Variants in PHTF2 observed in about 807,000 individuals in gnomAD.
PHTF2 encodes putative homeodomain transcription factor 2.
In PHTF2, 60 loss-of-function variants were observed where a neutral mutation model predicts 101.2. The observed-to-expected ratio is 0.59, with a 90% CI of 0.48 to 0.73. The LOEUF is 0.73. Among genes scored for constraint, PHTF2 ranks in the 30% least tolerant of loss-of-function variants. PHTF2 has a pLI of 0.00. For synonymous variants in PHTF2, 311 were observed against 307.3 expected (o/e 1.01, Z -0.13); for missense variants, 747 against 908.7 (o/e 0.82, Z 2.29).
At chr7:77,869,430 C>G (rs952076088) in intron 3 of PHTF2, among the ~76,000 whole-genome samples, 5 of 152,176 alleles carry the variant, frequency 3.3e-5, no homozygotes, top group Non-Finnish European at 7.4e-5. Flanking sequence ...TTCCCAGTCT[C>G]CTGTATTACT....
intron 17 of PHTF2, among the ~76,000 whole-genome samples, chr7:77,950,893 A>T (rs1251857701): frequency 6.6e-6 from 1 of 152,174 alleles, no homozygotes; most frequent in African/African-American, 2.4e-5. Flanking sequence ...TCTGATAGAT[A>T]TATCATGTTA....
chr7:77,934,224 G>A (rs1043764376), intron 12 of PHTF2, among the ~76,000 whole-genome samples: 2 of 152,134 alleles, frequency 1.3e-5, no homozygotes, highest in African/African-American at 4.8e-5. Context: ...ATTTGAATTA[G>A]TATGTTCTAA....
chr7:77,819,482 C>T (rs1157955443), intron 1 of PHTF2, among the ~76,000 whole-genome samples: 2 of 152,144 alleles, frequency 1.3e-5, no homozygotes, highest in African/African-American at 4.8e-5. Context: ...CTGTATCTAT[C>T]AAGATGACCA....
At chr7:77,842,797 G>T (rs1361065503) in intron 2 of PHTF2, among the ~76,000 whole-genome samples, 1 of 152,100 alleles carries the variant, frequency 6.6e-6, no homozygotes, top group Non-Finnish European at 1.5e-5. Flanking sequence ...TCTTTAAAGG[G>T]CCAGATAGTA....
At chr7:77,846,127 A>C (rs932862383) in intron 2 of PHTF2, among the ~76,000 whole-genome samples, 6 of 152,186 alleles carry the variant, frequency 3.9e-5, no homozygotes, top group African/African-American at 1.4e-4. Flanking sequence ...TTTCCTACCC[A>C]AAATTATTCC....
chr7:77,842,082 C>A (rs542527314), intron 2 of PHTF2, among the ~76,000 whole-genome samples: 1 of 152,272 alleles, frequency 6.6e-6, no homozygotes, highest in African/African-American at 2.4e-5. Flanking sequence ...TGAAATGACC[C>A]TCTTATCCAA....
chr7:77,932,621 A>AGAGAGT (rs759880633), intron 12 of PHTF2, among the ~76,000 whole-genome samples: 46 of 118,558 alleles, frequency 3.9e-4, no homozygotes, highest in Admixed American at 2.1e-3. Context: ...AGAGAGAGAG[A>AGAGAGT]GTGTGTGTGT....
intron 9 of PHTF2, 44 bp downstream of exon 8, chr7:77,910,453 A>G (rs780452291): frequency 3.1e-5 from 44 of 1,404,110 alleles, no homozygotes; most frequent in African/African-American, 5.7e-5. Context: ...AGATGGCACT[A>G]TCCTTTTTCT....
intron 19 of PHTF2, 109 bp from the exon 19 acceptor site, chr7:77,954,749 C>G (rs950463210): frequency 3.2e-6 from 2 of 617,834 alleles, no homozygotes; most frequent in Non-Finnish European, 5.7e-6. Flanking sequence ...ATATTAGAAA[C>G]TGCACTTGTT....
At chr7:77,880,834 C>T (rs1476050536) in intron 3 of PHTF2, among the ~76,000 whole-genome samples, 1 of 152,198 alleles carries the variant, frequency 6.6e-6, no homozygotes, top group Non-Finnish European at 1.5e-5. Context: ...ATTATCATGC[C>T]TGGCATACTT....
intron 3 of PHTF2, among the ~76,000 whole-genome samples, chr7:77,882,480 A>G (rs550493573): frequency 1.3e-5 from 2 of 152,336 alleles, no homozygotes; most frequent in East Asian, 3.9e-4. Flanking sequence ...ATGATTGGTT[A>G]AAGCAAAGAG....
chr7:77,943,344 G>T (rs1247688348), intron 16 of PHTF2, among the ~76,000 whole-genome samples: 1 of 152,142 alleles, frequency 6.6e-6, no homozygotes, highest in Non-Finnish European at 1.5e-5. Flanking sequence ...AGCCAGGATG[G>T]TCTCAATCTC....
At chr7:77,888,804 C>T (rs1305398356) in intron 3 of PHTF2, among the ~76,000 whole-genome samples, 1 of 151,714 alleles carries the variant, frequency 6.6e-6, no homozygotes, top group Non-Finnish European at 1.5e-5. Context: ...TTATGTGACT[C>T]AATCAAGTCT....
At chr7:77,904,746 A>G (rs1016445234) in intron 7 of PHTF2, among the ~76,000 whole-genome samples, 12 of 152,210 alleles carry the variant, frequency 7.9e-5, no homozygotes, top group Non-Finnish European at 1.3e-4. Flanking sequence ...ACCTCCTTAT[A>G]GGCCCTGTCT....
At chr7:77,913,265 A>G (rs1332199771) in intron 9 of PHTF2, among the ~76,000 whole-genome samples, 1 of 151,848 alleles carries the variant, frequency 6.6e-6, no homozygotes, top group African/African-American at 2.4e-5. Context: ...GTGGGTGCCT[A>G]TAATCCCAGC....
intron 3 of PHTF2, among the ~76,000 whole-genome samples, chr7:77,879,620 G>A (rs1799241646): frequency 6.6e-6 from 1 of 151,882 alleles, no homozygotes; most frequent in Non-Finnish European, 1.5e-5. Context: ...TAGCATTTTG[G>A]CTCTTTAACT....
intron 1 of PHTF2, among the ~76,000 whole-genome samples, chr7:77,807,659 A>G (rs1166836387): frequency 6.6e-6 from 1 of 152,172 alleles, no homozygotes; most frequent in Admixed American, 6.5e-5. Context: ...GGAGAAAAAT[A>G]TATGCCTTTT....
chr7:77,946,960 A>C (rs1806098386), intron 16 of PHTF2, among the ~76,000 whole-genome samples: 1 of 146,064 alleles, frequency 6.8e-6, no homozygotes, highest in Non-Finnish European at 1.5e-5. Flanking sequence ...GGTCTCTACA[A>C]AAAAAAAAAA....
intron 12 of PHTF2, among the ~76,000 whole-genome samples, chr7:77,930,213 C>A (rs1804440393): frequency 2.0e-5 from 3 of 152,038 alleles, no homozygotes. Context: ...CTCAGCCTCC[C>A]AAAGTGCTGG....
Sources: gnomAD v4.1 joint callset for allele counts (sites outside exome capture counted in the v4.1 genomes callset) on GRCh38, gnomAD v4.1.1 for gene constraint, MANE v1.5 for transcripts, NCBI Gene and HGNC (gene_info 2026-07-23, HGNC 2026-07-21) for gene names.